The following CYRIB variants were observed in gnomAD, a reference collection of about 807,000 sequenced individuals.
The protein encoded by CYRIB is CYFIP-related Rac1 interactor B.
CYRIB carries 8 observed loss-of-function variants against 44.2 expected under a neutral mutation model. The ratio of observed to expected loss-of-function variants is 0.18; its 90% CI spans 0.11 to 0.33. CYRIB has a LOEUF of 0.33. CYRIB is among the 10% of genes least tolerant of loss of function. The pLI is 1.00. For synonymous variants in CYRIB, 131 were observed against 127.2 expected (o/e 1.03, Z -0.20); for missense variants, 185 against 382.8 (o/e 0.48, Z 4.31).
chr8:129,887,297 G>A (rs1588654942), intron 2 of CYRIB, among the ~76,000 whole-genome samples: 1 of 152,208 alleles, frequency 6.6e-6, no homozygotes, highest in African/African-American at 2.4e-5. Flanking sequence ...ATAAGCCTTG[G>A]CAGCTTTGAT....
intron 6 of CYRIB, 41 bp downstream of exon 8, chr8:129,855,570 T>A: frequency 6.2e-7 from 1 of 1,607,590 alleles, no homozygotes; most frequent in Non-Finnish European, 8.5e-7. Flanking sequence ...ATTAAAAGAT[T>A]CATGATTTTC....
At chr8:129,960,832 C>T (rs572425981) in intron 2 of CYRIB, among the ~76,000 whole-genome samples, 1 of 150,168 alleles carries the variant, frequency 6.7e-6, no homozygotes, top group South Asian at 2.1e-4. Flanking sequence ...GCACCTGTAA[C>T]CCCAGCTCTC....
intron 2 of CYRIB, among the ~76,000 whole-genome samples, chr8:129,965,163 G>T (rs1326653114): frequency 6.6e-6 from 1 of 151,968 alleles, no homozygotes; most frequent in African/African-American, 2.4e-5. Context: ...AAACATAAAA[G>T]GACACATAGC....
intron 2 of CYRIB, among the ~76,000 whole-genome samples, chr8:129,954,369 C>A (rs186340238): frequency 3.5e-4 from 54 of 152,208 alleles, no homozygotes; most frequent in African/African-American, 1.3e-3. Flanking sequence ...ATTACAGGTG[C>A]TGGCCACAAT....
At chr8:129,997,845 A>G (rs2133735630) in intron 1 of CYRIB, among the ~76,000 whole-genome samples, 1 of 152,288 alleles carries the variant, frequency 6.6e-6, no homozygotes, top group Non-Finnish European at 1.5e-5. Context: ...GAAACAGGCC[A>G]GGCGCAGTGG....
At chr8:129,918,785 AATAAT>A (rs1439046860) in intron 1 of CYRIB, among the ~76,000 whole-genome samples, 1 of 152,220 alleles carries the variant, frequency 6.6e-6, no homozygotes, top group Non-Finnish European at 1.5e-5. Flanking sequence ...AAACATCATA[AATAAT>A]ATAAGTACAT....
At chr8:129,882,918 C>G (rs180977700) in intron 2 of CYRIB, among the ~76,000 whole-genome samples, 1 of 151,952 alleles carries the variant, frequency 6.6e-6, no homozygotes, top group Non-Finnish European at 1.5e-5. Flanking sequence ...GCTCAGTTGG[C>G]TGGGCGCAGT....
At chr8:129,928,250 G>A (rs1328858391) in intron 1 of CYRIB, among the ~76,000 whole-genome samples, 5 of 149,404 alleles carry the variant, frequency 3.3e-5, no homozygotes, top group Non-Finnish European at 5.9e-5. Context: ...GAGGCAGGAG[G>A]ATTACTTGAG....
intron 1 of CYRIB, among the ~76,000 whole-genome samples, chr8:129,905,843 A>G (rs1440043561): frequency 6.6e-6 from 1 of 152,204 alleles, no homozygotes; most frequent in African/African-American, 2.4e-5. Flanking sequence ...ATCAAATATC[A>G]GGTCATAAAT....
intron 1 of CYRIB, among the ~76,000 whole-genome samples, chr8:129,978,571 G>C (rs879389422): frequency 7.2e-5 from 11 of 152,204 alleles, no homozygotes; most frequent in Admixed American, 3.3e-4. Flanking sequence ...ATCCTCCCCT[G>C]TGCTAGAGTT....
At chr8:129,870,107 T>G (rs993301919) in intron 4 of CYRIB, among the ~76,000 whole-genome samples, 25 of 152,084 alleles carry the variant, frequency 1.6e-4, no homozygotes, top group Non-Finnish European at 3.2e-4. Flanking sequence ...TACGATCTGC[T>G]AATGTAAAAT....
intron 2 of CYRIB, among the ~76,000 whole-genome samples, chr8:129,962,463 A>G (rs1304193533): frequency 6.6e-6 from 1 of 152,076 alleles, no homozygotes; most frequent in Non-Finnish European, 1.5e-5. Flanking sequence ...AATAACATAA[A>G]TTAAAATAAA....
intron 1 of CYRIB, among the ~76,000 whole-genome samples, chr8:129,918,509 A>C (rs1418823581): frequency 6.6e-6 from 1 of 152,270 alleles, no homozygotes; most frequent in African/African-American, 2.4e-5. Context: ...TTCTGTCAAC[A>C]CCAAAGTATT....
At chr8:129,944,281 T>C (rs1237489190), upstream of CYRIB, among the ~76,000 whole-genome samples, 1 of 152,102 alleles carries the variant, frequency 6.6e-6, no homozygotes, top group Non-Finnish European at 1.5e-5. Context: ...TCAAGGAAAC[T>C]GGCAGCGAGG....
chr8:129,981,815 G>C (rs936597931), intron 1 of CYRIB, among the ~76,000 whole-genome samples: 2 of 152,072 alleles, frequency 1.3e-5, no homozygotes, highest in Non-Finnish European at 2.9e-5. Context: ...ACTGCTTCCC[G>C]GGCTTCAGGT....
intron 1 of CYRIB, among the ~76,000 whole-genome samples, chr8:129,982,823 G>A (rs755676569): frequency 1.3e-5 from 2 of 152,090 alleles, no homozygotes; most frequent in Non-Finnish European, 2.9e-5. Flanking sequence ...AAATTGTCAT[G>A]GCTGCCCAGC....
intron 2 of CYRIB, among the ~76,000 whole-genome samples, chr8:129,901,303 A>G (rs2071702959): frequency 6.6e-6 from 1 of 151,946 alleles, no homozygotes; most frequent in South Asian, 2.1e-4. Context: ...GCTCACTGCA[A>G]CCTTCCAGGT....
intron 1 of CYRIB, among the ~76,000 whole-genome samples, chr8:129,922,718 C>G (rs972175832): frequency 2.6e-5 from 4 of 151,714 alleles, no homozygotes; most frequent in Non-Finnish European, 4.4e-5. Flanking sequence ...AAAAAATTAG[C>G]TGGGTATGGT....
intron 1 of CYRIB, among the ~76,000 whole-genome samples, chr8:129,910,477 CTTTTTTTTT>C (rs1171288097): frequency 8.9e-4 from 99 of 110,656 alleles, no homozygotes; most frequent in Middle Eastern, 0.01. Flanking sequence ...CCTTCTTTCA[CTTTTTTTTT>C]TTTTTTTTTT....
Sources: gnomAD v4.1 joint callset for allele counts (sites outside exome capture counted in the v4.1 genomes callset) on GRCh38, gnomAD v4.1.1 for gene constraint, MANE v1.5 for transcripts, NCBI Gene and HGNC (gene_info 2026-07-23, HGNC 2026-07-21) for gene names.